Variants in TGFBRAP1 observed in about 807,000 individuals in gnomAD.
TGFBRAP1 encodes transforming growth factor beta receptor associated protein 1, also known as transforming growth factor-beta receptor-associated protein 1.
Under a neutral mutation model 83.2 loss-of-function variants are expected in TGFBRAP1, and 20 were observed. The observed-to-expected ratio is 0.24, with a 90% CI of 0.17 to 0.35. The LOEUF is 0.35. Among genes scored for constraint, TGFBRAP1 ranks in the 10% least tolerant of loss-of-function variants. The pLI is 1.00. For missense variants in TGFBRAP1, 950 were observed against 1,099.4 expected (o/e 0.86, Z 1.92); for synonymous variants, 415 against 459.8 (o/e 0.90, Z 1.25).
intron 1 of TGFBRAP1, among the ~76,000 whole-genome samples, chr2:105,314,290 G>A (rs1323575215): frequency 1.0e-4 from 13 of 129,422 alleles, no homozygotes; most frequent in African/African-American, 3.1e-4. Context: ...TCGCTCTGTC[G>A]CCCAGGCTGG....
chr2:105,293,663 C>T (rs898430578), intron 4 of TGFBRAP1, among the ~76,000 whole-genome samples: 3 of 152,208 alleles, frequency 2.0e-5, no homozygotes, highest in Admixed American at 6.5e-5. Flanking sequence ...AAAACATACA[C>T]ATTTATGAAA....
intron 1 of TGFBRAP1, 111 bp from the exon 2 acceptor site, chr2:105,308,429 A>C: frequency 9.1e-7 from 1 of 1,102,662 alleles, no homozygotes; most frequent in Non-Finnish European, 1.3e-6. Flanking sequence ...AAAGAAAGTC[A>C]TTCCACGCTA....
intron 1 of TGFBRAP1, among the ~76,000 whole-genome samples, chr2:105,322,142 G>T (rs1679085663): frequency 6.6e-6 from 1 of 151,862 alleles, no homozygotes; most frequent in Admixed American, 6.6e-5. Context: ...GCTAATGTGT[G>T]TGTGTTTGTG....
In TGFBRAP1 at chr2:105,269,373, A is replaced by G; in HGVS notation, c.2305T>C (p.Phe769Leu). The G allele has an allele frequency of 6.2e-7, 1 of 1,614,028 alleles. No individual in the cohort carries two copies. Among genetic ancestry groups the G allele is most frequent in the Non-Finnish European group, 8.5e-7 (1 of 1,179,992 alleles). ...CTGTCCCTCATGGCCCCCATCAGGA[A>G]TGGGCAGAGGAGCTGCACTGACCAG... ...DTWSVQLLCPFLMGAMRDSIH... is the reference protein window; with the variant it reads ...DTWSVQLLCPLLMGAMRDSIH... Residue 769 changes from phenylalanine to leucine, a missense_variant, in exon 11 of 12, where the codon TTC becomes CTC. Physicochemically the swap from Phe to Leu is conservative, Grantham distance 22. Coordinates refer to ENST00000393359, the MANE Select transcript of TGFBRAP1 (RefSeq NM_004257.6). This position sits in a 1 kb window ranked among gnomAD's most constrained non-coding sequence, Gnocchi z 4.1.
At chr2:105,281,318 C>T (rs921118321) in intron 5 of TGFBRAP1, among the ~76,000 whole-genome samples, 4 of 152,208 alleles carry the variant, frequency 2.6e-5, no homozygotes, top group Non-Finnish European at 5.9e-5. Context: ...ATCTCCTCTC[C>T]GGAACCTCCT....
chr2:105,263,504 T>G (rs1444328019), downstream of TGFBRAP1, among the ~76,000 whole-genome samples: 1 of 152,166 alleles, frequency 6.6e-6, no homozygotes, highest in Non-Finnish European at 1.5e-5. Flanking sequence ...CAAATTCAAG[T>G]ATGCGTGAGT....
intron 2 of TGFBRAP1, among the ~76,000 whole-genome samples, chr2:105,302,851 A>T (rs1290831724): frequency 6.6e-6 from 1 of 152,228 alleles, no homozygotes; most frequent in African/African-American, 2.4e-5. Context: ...GCATAACCAC[A>T]CAGAGGAGAA....
At chr2:105,262,118 A>G (rs939651614), downstream of TGFBRAP1, among the ~76,000 whole-genome samples, 1 of 152,142 alleles carries the variant, frequency 6.6e-6, no homozygotes, top group Non-Finnish European at 1.5e-5. Flanking sequence ...TAACACGAGA[A>G]GGGAACTCAG....
chr2:105,251,582 G>A, the TGFBRAP1 span, among the ~76,000 whole-genome samples: 11 of 150,288 alleles, frequency 7.3e-5, no homozygotes, highest in South Asian at 2.1e-4. Flanking sequence ...GCCTCTGCCC[G>A]GCCGCCCCTA....
At chr2:105,267,621 G>C (rs888289806) in intron 11 of TGFBRAP1, 62 bp from the exon 12 acceptor site, 7 of 1,596,292 alleles carry the variant, frequency 4.4e-6, no homozygotes, top group Non-Finnish European at 6.0e-6. Flanking sequence ...AAGTGGCTAC[G>C]TTCTAGTTTT....
Position 105,304,197 on chromosome 2 carries a change from T to C in TGFBRAP1, c.688+3417A>G, listed in dbSNP as rs1270635449. Among the ~76,000 whole-genome samples the C allele has an allele frequency of 2.6e-5, 4 of 152,318 alleles. No homozygotes were observed. The East Asian group carries it at 5.8e-4, about 22-fold the overall frequency. On this transcript the variant is annotated intron_variant, in intron 2 of 11. Transcript: ENST00000393359. Reference sequence around the variant, plus strand: ...CTTAGGTATCTGTAACTTAGAAATATGTACTAAAATGTTTACAGATGAAAT... The same window carrying C: ...CTTAGGTATCTGTAACTTAGAAATACGTACTAAAATGTTTACAGATGAAAT...
chr2:105,272,809 G>C (rs1423984462), intron 10 of TGFBRAP1, 46 bp downstream of exon 10: 1 of 1,601,566 alleles, frequency 6.2e-7, no homozygotes, highest in South Asian at 1.1e-5. Context: ...CCACCCGCTT[G>C]ATATGAGTTT....
rs538448489 is a variant in TGFBRAP1 at position 105,307,530 on chromosome 2, C to A, written c.688+84G>T. On this transcript the variant is annotated intron_variant, in intron 2 of 11. Coordinates refer to ENST00000393359, the MANE Select transcript of TGFBRAP1 (RefSeq NM_004257.6). ...AATGTCACTGAGGATTTATTCTGCA[C>A]AGCGCCAATCTCACTCTCCAGTTTC... is the stretch of plus-strand genomic sequence containing the variant. 275 of 1,396,906 alleles carry A rather than the reference C, an allele frequency of 2.0e-4. 3 individuals carry two copies. In the South Asian group the frequency reaches 3.5e-3, roughly 18 times the overall value. 86.5% of individuals were successfully genotyped at this position (1,396,906 alleles called of 1,614,324 possible).
chr2:105,298,585 A>G lies in TGFBRAP1; in HGVS notation c.809T>C (p.Val270Ala), dbSNP rs1269695757. 3 of 1,614,106 alleles carry G rather than the reference A, an allele frequency of 1.9e-6. No individual in the cohort carries two copies. Among genetic ancestry groups the G allele is most frequent in the Non-Finnish European group, 8.5e-7 (1 of 1,180,006 alleles). The change falls in exon 3 of 12, where the codon GTC (valine) becomes GCC (alanine). Residue 270 changes from valine (V) to alanine (A), a missense_variant. Coordinates refer to ENST00000393359, the MANE Select transcript of TGFBRAP1 (RefSeq NM_004257.6). Reference protein sequence around the residue: ...VIALDDEFITVHSMLDQQQKQ... With the variant: ...VIALDDEFITAHSMLDQQQKQ... Reference sequence around the variant, plus strand: ...CTGTTGCTGATCCAACATGCTGTGGACTGTGATGAATTCGTCATCGAGCGC... The same window carrying G: ...CTGTTGCTGATCCAACATGCTGTGGGCTGTGATGAATTCGTCATCGAGCGC...
chr2:105,304,963 A>T (rs183179173), intron 2 of TGFBRAP1, among the ~76,000 whole-genome samples: 61 of 152,340 alleles, frequency 4.0e-4, no homozygotes, highest in Non-Finnish European at 1.8e-4. Flanking sequence ...GGTGGAGCAC[A>T]AAGGACTTTT....
chr2:105,271,845 T>C (rs1033651790), intron 10 of TGFBRAP1, among the ~76,000 whole-genome samples: 3 of 152,218 alleles, frequency 2.0e-5, no homozygotes, highest in Admixed American at 1.3e-4. Context: ...CAGAGCCTGA[T>C]GCAGAGCTGA....
At chr2:105,294,241 T>G (rs1224773688) in intron 4 of TGFBRAP1, among the ~76,000 whole-genome samples, 1 of 152,140 alleles carries the variant, frequency 6.6e-6, no homozygotes, top group African/African-American at 2.4e-5. Context: ...TGGTTGTTTG[T>G]TCTCTTTGTC....
intron 4 of TGFBRAP1, among the ~76,000 whole-genome samples, chr2:105,293,530 G>A (rs1677983795): frequency 6.6e-6 from 1 of 152,162 alleles, no homozygotes; most frequent in African/African-American, 2.4e-5. Flanking sequence ...AGTCTACTGA[G>A]CTCAAGCTTC....
Position 105,280,487 on chromosome 2 carries a change from A to T in TGFBRAP1, c.1358T>A (p.Leu453His). 1.9e-6 allele frequency: 3 copies of T among 1,614,168 alleles called. No homozygotes were observed. Among genetic ancestry groups the T allele is most frequent in the Non-Finnish European group, 2.5e-6 (3 of 1,180,040 alleles). ...GYKEDIDTAL[L>H]KLYAEADHDS... ...GTGGTCAGCCTCTGCATACAGTTTG[A>T]GCAAGGCTGTGTCGATGTCCTCCTT... The change falls in exon 6 of 12, where the codon CTC (leucine) becomes CAC (histidine). Residue 453 changes from leucine to histidine, a missense_variant. Coordinates refer to ENST00000393359, the MANE Select transcript of TGFBRAP1 (RefSeq NM_004257.6).
Sources: gnomAD v4.1 joint callset for allele counts (sites outside exome capture counted in the v4.1 genomes callset) on GRCh38, gnomAD v4.1.1 for gene constraint, Gnocchi (gnomAD v3.1) non-coding constraint, MANE v1.5 for transcripts, NCBI Gene and HGNC (gene_info 2026-07-23, HGNC 2026-07-21) for gene names.